Variants in INSL6 observed in about 807,000 individuals in gnomAD.
The protein encoded by INSL6 is insulin like 6, also known as insulin-like peptide INSL6.
In INSL6, 16 loss-of-function variants were observed where a neutral mutation model predicts 9.4. That is an observed-to-expected ratio of 1.70 (90% CI 1.15 to 2.59). The LOEUF (loss-of-function observed/expected upper bound fraction) is 2.59. Among genes scored for constraint, INSL6 ranks in the 30% most tolerant of loss-of-function variants. The probability of loss-of-function intolerance (pLI) is 0.00; values close to 1 mark genes in which losing one functional copy is unlikely to be tolerated. For synonymous variants in INSL6, 154 were observed against 96.9 expected, an observed-to-expected ratio of 1.59 and a Z score of -3.46; for missense variants, 391 against 257.3, an observed-to-expected ratio of 1.52 and a Z score of -3.56.
chr9:5,116,337 T>G, the INSL6 span, among the ~76,000 whole-genome samples: 1 of 152,210 alleles, frequency 6.6e-6, no homozygotes, highest in Non-Finnish European at 1.5e-5. Flanking sequence ...GTTCTCTAAT[T>G]TGGGTAGGTT....
the INSL6 span, among the ~76,000 whole-genome samples, chr9:5,012,346 T>C: frequency 4.6e-5 from 7 of 152,210 alleles, no homozygotes; most frequent in Non-Finnish European, 7.3e-5. Flanking sequence ...TCTTTGACAA[T>C]GCCTTCAAAT....
the INSL6 span, chr9:5,090,525 G>T: frequency 1.0e-5 from 16 of 1,595,276 alleles, no homozygotes; most frequent in Non-Finnish European, 1.4e-5. Context: ...ATAAAGAACG[G>T]ATAGATCACA....
At chr9:5,148,253 T>TG (rs1824641017) in intron 2 of INSL6, among the ~76,000 whole-genome samples, 1 of 152,204 alleles carries the variant, frequency 6.6e-6, no homozygotes, top group South Asian at 2.1e-4. Context: ...GTACAGGGTC[T>TG]TTGTTGAATT....
chr9:5,035,826 A>G, the INSL6 span, among the ~76,000 whole-genome samples: 2 of 152,218 alleles, frequency 1.3e-5, no homozygotes, highest in African/African-American at 4.8e-5. Flanking sequence ...GGCACAAGAC[A>G]GGGATGCCCT....
chr9:5,070,090 T>G, the INSL6 span: 1 of 1,452,056 alleles, frequency 6.9e-7, no homozygotes, highest in Non-Finnish European at 9.4e-7. Context: ...TTTTTTGTCC[T>G]TTTAAAACAA....
intron 1 of INSL6, among the ~76,000 whole-genome samples, chr9:5,166,197 G>A (rs188077136): frequency 1.1e-3 from 175 of 152,302 alleles, no homozygotes; most frequent in Non-Finnish European, 1.9e-3. Context: ...GAGGAAGGCA[G>A]AAGATTTTTG....
At chr9:5,142,146 G>A (rs1300023085) in intron 2 of INSL6, among the ~76,000 whole-genome samples, 2 of 152,118 alleles carry the variant, frequency 1.3e-5, no homozygotes, top group African/African-American at 4.8e-5. Flanking sequence ...AAATAGGGTA[G>A]CATGATGCCT....
the INSL6 span, chr9:5,069,775 C>A: frequency 7.6e-6 from 3 of 395,520 alleles, no homozygotes; most frequent in East Asian, 3.9e-5. Flanking sequence ...ATGAGTTGAC[C>A]CCTAAAATAA....
chr9:5,012,961 T>C, the INSL6 span, among the ~76,000 whole-genome samples: 5 of 152,150 alleles, frequency 3.3e-5, no homozygotes, highest in African/African-American at 7.2e-5. Flanking sequence ...AATAGCTGTT[T>C]AGTGTATGAT....
the INSL6 span, among the ~76,000 whole-genome samples, chr9:5,048,718 A>G: frequency 5.9e-5 from 9 of 152,276 alleles, no homozygotes; most frequent in East Asian, 1.7e-3. Context: ...TATTAATAGA[A>G]AAGCAAATAT....
chr9:5,085,008 G>T, the INSL6 span: 1 of 845,326 alleles, frequency 1.2e-6, no homozygotes, highest in Admixed American at 1.8e-5. Flanking sequence ...TTTATGTCTT[G>T]TGAGTACAAT....
chr9:5,155,546 AAAG>A (rs1824799107), intron 2 of INSL6, among the ~76,000 whole-genome samples: 1 of 151,440 alleles, frequency 6.6e-6, no homozygotes, highest in East Asian at 2.0e-4. Flanking sequence ...AAAAAAGAAA[AAAG>A]AAAATGTGGC....
chr9:5,131,586 C>T (rs369850917), intron 3 of INSL6, among the ~76,000 whole-genome samples: 1 of 151,594 alleles, frequency 6.6e-6, no homozygotes, highest in Admixed American at 6.6e-5. Context: ...TACAGGTGCC[C>T]GCCACCACGC....
the INSL6 span, chr9:5,022,290 C>A: frequency 2.3e-6 from 2 of 878,772 alleles, no homozygotes; most frequent in Non-Finnish European, 3.5e-6. Context: ...TAGGTACATG[C>A]ATAATATATA....
Position 5,164,081 on chromosome 9 carries a change from T to G in INSL6, c.474A>C (p.Leu158Phe). 6.2e-7 allele frequency: 1 copy of G among 1,613,574 alleles called. No homozygotes were observed. Among genetic ancestry groups the G allele is most frequent in the Non-Finnish European group, 8.5e-7 (1 of 1,179,822 alleles). Residue 158 changes from leucine (L) to phenylalanine (F), a missense_variant, in exon 2 of 2, where the codon TTA becomes TTC. Transcript: ENST00000381641. ...GATGATGCCCCCAAAACAAATTGCT[T>G]AAGGTTTTAATTTTGTTTCTACGTT... ...QKKRRNKIKT[L>F]SNLFWGHHPQ...
chr9:5,002,222 C>T, the INSL6 span, among the ~76,000 whole-genome samples: 6 of 151,456 alleles, frequency 4.0e-5, no homozygotes, highest in Non-Finnish European at 8.9e-5. Context: ...TTCTAGCTAC[C>T]TAGGAAGCTT....
At chr9:5,105,555 AAAC>A in the INSL6 span, among the ~76,000 whole-genome samples, 1 of 152,228 alleles carries the variant, frequency 6.6e-6, no homozygotes, top group Non-Finnish European at 1.5e-5. Flanking sequence ...ATAGAACTGG[AAAC>A]AACTACTTTC....
At chr9:5,098,386 A>G in the INSL6 span, 1 of 152,148 alleles carries the variant, frequency 6.6e-6, no homozygotes, top group African/African-American at 2.4e-5. Flanking sequence ...TACATCCCCT[A>G]TCATAGAAGA....
the INSL6 span, among the ~76,000 whole-genome samples, chr9:4,996,471 T>A: frequency 2.0e-5 from 3 of 151,778 alleles, no homozygotes; most frequent in African/African-American, 4.8e-5. Context: ...AATAAATAAA[T>A]AAAAATAAAT....
Sources: gnomAD v4.1 joint callset for allele counts (sites outside exome capture counted in the v4.1 genomes callset) on GRCh38, gnomAD v4.1.1 for gene constraint, MANE v1.5 for transcripts, NCBI Gene and HGNC (gene_info 2026-07-23, HGNC 2026-07-21) for gene names.